The following NPIPB15 variants were observed in gnomAD, a reference collection of about 807,000 sequenced individuals.
The protein encoded by NPIPB15 is nuclear pore complex-interacting protein family member B15.
Under a neutral mutation model 35.9 loss-of-function variants are expected in NPIPB15, and 5 were observed. That is an observed-to-expected ratio of 0.14 (90% CI 0.07 to 0.29). The LOEUF is 0.29. NPIPB15 is among the 10% of genes least tolerant of loss of function. The probability of loss-of-function intolerance (pLI) is 1.00; values close to 1 mark genes in which losing one functional copy is unlikely to be tolerated. For missense variants in NPIPB15, 100 were observed against 506.1 expected, an observed-to-expected ratio of 0.20 and a Z score of 7.70; for synonymous variants, 43 against 182.0, an observed-to-expected ratio of 0.24 and a Z score of 6.15.
chr16:74,387,693 C>T (rs2012349214), intron 5 of NPIPB15, among the ~76,000 whole-genome samples: 1 of 152,042 alleles, frequency 6.6e-6, no homozygotes, highest in Non-Finnish European at 1.5e-5. Context: ...CCATTGCATT[C>T]TCAGCACCAC....
Position 74,381,577 on chromosome 16 carries a change from A to G in NPIPB15, c.128A>G (p.Asp43Gly), listed in dbSNP as rs753603774. 1.4e-4 allele frequency: 217 copies of G among 1,573,566 alleles called. No individual in the cohort carries two copies. The highest frequency in any genetic ancestry group is 1.7e-4 in the Non-Finnish European group (196 of 1,164,598). Reference protein sequence around the residue: ...RETDFGVGVRDHPGQHGKTPS... With the variant: ...RETDFGVGVRGHPGQHGKTPS... Reference sequence around the variant, plus strand: ...ACTGACTTTGGTGTAGGAGTTCGAGACCACCCTGGCCAACATGGCAAAACC... The same window carrying G: ...ACTGACTTTGGTGTAGGAGTTCGAGGCCACCCTGGCCAACATGGCAAAACC... Residue 43 changes from aspartate to glycine, a missense_variant, in exon 3 of 8, where the codon GAC becomes GGC. Asp to Gly is a moderately conservative substitution (Grantham distance 94). Coordinates refer to ENST00000692376, the MANE Select transcript of NPIPB15 (RefSeq NM_001306094.2).
In NPIPB15 at chr16:74,376,625, T is replaced by G. The variant is rs931020082; in HGVS notation, c.-744T>G. Among the ~76,000 whole-genome samples the G allele has an allele frequency of 8.9e-4, 136 of 152,182 alleles. 1 individual carries two copies. Among genetic ancestry groups the G allele is most frequent in the African/African-American group, 3.2e-3 (134 of 41,544 alleles). On this transcript the variant is annotated 5_prime_UTR_variant, in exon 1 of 8. It removes the in-frame stop codon of an upstream open reading frame in the 5' UTR. Coordinates refer to ENST00000692376, the MANE Select transcript of NPIPB15 (RefSeq NM_001306094.2). ...CTCCCCCTCATTTGGGTTCAGAATT[T>G]AAAGTCCACACACACAGGCAGTAAG...
At chr16:74,378,256 A>G (rs1255346726) in intron 2 of NPIPB15, among the ~76,000 whole-genome samples, 2 of 151,656 alleles carry the variant, frequency 1.3e-5, no homozygotes, top group Non-Finnish European at 2.9e-5. Flanking sequence ...GGTGGTGCGT[A>G]CCTGTTATCA....
intron 2 of NPIPB15, among the ~76,000 whole-genome samples, chr16:74,379,733 G>T (rs1490813268): frequency 6.6e-6 from 1 of 152,124 alleles, no homozygotes; most frequent in Admixed American, 6.6e-5. Flanking sequence ...GGAACTATAG[G>T]CACGTGCCAC....
chr16:74,387,131 G>C, intron 5 of NPIPB15, among the ~76,000 whole-genome samples: 1 of 151,942 alleles, frequency 6.6e-6, no homozygotes, highest in Non-Finnish European at 1.5e-5. Flanking sequence ...GTCGGTGCAG[G>C]CTCAGTCCCT....
At chr16:74,378,742 C>T (rs1384840018) in intron 2 of NPIPB15, among the ~76,000 whole-genome samples, 1 of 151,154 alleles carries the variant, frequency 6.6e-6, no homozygotes, top group Non-Finnish European at 1.5e-5. Context: ...AGTTTACTAA[C>T]TTTGGAAAGT....
At chr16:74,384,993 G>GTT (rs1471692095) in intron 3 of NPIPB15, among the ~76,000 whole-genome samples, 13 of 9,762 alleles carry the variant, frequency 1.3e-3, no homozygotes, top group Non-Finnish European at 2.0e-3. Context: ...TGTCATTCTT[G>GTT]TGTGTGTGTG....
At chr16:74,387,738 G>T (rs1053953003) in intron 5 of NPIPB15, among the ~76,000 whole-genome samples, 1 of 151,888 alleles carries the variant, frequency 6.6e-6, no homozygotes, top group Non-Finnish European at 1.5e-5. Flanking sequence ...ACTCCAGACA[G>T]CATGTGCTGA....
At chr16:74,377,463 C>G (rs2142643236) in intron 1 of NPIPB15, among the ~76,000 whole-genome samples, 117 bp downstream of exon 1, 1 of 152,098 alleles carries the variant, frequency 6.6e-6, no homozygotes, top group East Asian at 1.9e-4. Flanking sequence ...TGAGGCACCA[C>G]CGGGGTCATC....
chr16:74,379,317 T>C (rs1044851032), intron 2 of NPIPB15, among the ~76,000 whole-genome samples: 1 of 152,206 alleles, frequency 6.6e-6, no homozygotes, highest in African/African-American at 2.4e-5. Context: ...CATTTCCATT[T>C]CAGACTCAGC....
chr16:74,379,601 T>G lies in NPIPB15; in HGVS notation c.66+1562T>G, dbSNP rs796733071. 8.2e-4 allele frequency among the ~76,000 whole-genome samples: 121 copies of G among 148,262 alleles called. No individual in the cohort carries two copies. In the East Asian group the frequency reaches 0.02, roughly 25 times the overall value. On this transcript the variant is annotated intron_variant, in intron 2 of 7. Transcript: ENST00000692376. ...ACCTTGGTAATTTTTTTTTTTTTTT[T>G]TTTTTTGAGACAGAGTCTCGCTCTG... is the stretch of plus-strand genomic sequence containing the variant.
chr16:74,380,759 G>A (rs1238177022), intron 2 of NPIPB15, among the ~76,000 whole-genome samples: 2 of 150,890 alleles, frequency 1.3e-5, no homozygotes, highest in Non-Finnish European at 3.0e-5. Flanking sequence ...GAGAGGCAGA[G>A]GTTGCAGTGA....
At chr16:74,378,824 C>T (rs1336893107) in intron 2 of NPIPB15, among the ~76,000 whole-genome samples, 2 of 151,688 alleles carry the variant, frequency 1.3e-5, no homozygotes, top group Non-Finnish European at 2.9e-5. Flanking sequence ...TTATTTGAGA[C>T]AGTTTCTCCC....
intron 1 of NPIPB15, among the ~76,000 whole-genome samples, chr16:74,377,727 C>T (rs2011735970): frequency 6.8e-6 from 1 of 146,028 alleles, no homozygotes; most frequent in Non-Finnish European, 1.5e-5. Flanking sequence ...TCCTCCTCCT[C>T]CACCTCCTCC....
chr16:74,377,659 C>T (rs2011730194), intron 1 of NPIPB15, among the ~76,000 whole-genome samples: 1 of 151,932 alleles, frequency 6.6e-6, no homozygotes, highest in East Asian at 1.9e-4. Flanking sequence ...AACCTTCCAC[C>T]AGCGCTTGAG....
intron 3 of NPIPB15, among the ~76,000 whole-genome samples, chr16:74,384,998 T>G (rs1340563269): frequency 9.6e-5 from 3 of 31,120 alleles, no homozygotes; most frequent in Admixed American, 2.8e-4. Context: ...TTCTTGTGTG[T>G]GTGTGTGTGT....
At chr16:74,382,086 G>C (rs2012024108) in intron 3 of NPIPB15, among the ~76,000 whole-genome samples, 2 of 54,866 alleles carry the variant, frequency 3.6e-5, no homozygotes, top group Non-Finnish European at 6.5e-5. Context: ...GCAGAAATGA[G>C]CTGACAACAG....
chr16:74,390,648 AG>A, intron 7 of NPIPB15: 1 of 647,574 alleles, frequency 1.5e-6, no homozygotes, highest in Middle Eastern at 8.7e-4. Flanking sequence ...GCAGCTCTTC[AG>A]GAACCCACAT....
At chr16:74,384,843 G>T (rs1264988076) in intron 3 of NPIPB15, among the ~76,000 whole-genome samples, 7 of 151,774 alleles carry the variant, frequency 4.6e-5, no homozygotes, top group African/African-American at 1.7e-4. Flanking sequence ...CACCATGCCT[G>T]GCTAATTTTG....
Sources: gnomAD v4.1 joint callset for allele counts (sites outside exome capture counted in the v4.1 genomes callset) on GRCh38, gnomAD v4.1.1 for gene constraint, MANE v1.5 for transcripts, NCBI Gene and HGNC (gene_info 2026-07-23, HGNC 2026-07-21) for gene names.